ANTXR2: variants seen among roughly 807,000 people sequenced by gnomAD.
ANTXR2 encodes anthrax toxin receptor 2.
Under a neutral mutation model 73.7 loss-of-function variants are expected in ANTXR2, and 44 were observed. That is an observed-to-expected ratio of 0.60 (90% CI 0.47 to 0.77). The LOEUF is 0.77. ANTXR2 is among the 30% of genes least tolerant of loss of function. The pLI is 0.00. For synonymous variants in ANTXR2, 217 were observed against 205.9 expected, an observed-to-expected ratio of 1.05 and a Z score of -0.46; for missense variants, 604 against 592.5, an observed-to-expected ratio of 1.02 and a Z score of -0.20.
At chr4:80,007,453 G>T (rs1481433857) in intron 12 of ANTXR2, among the ~76,000 whole-genome samples, 6 of 152,176 alleles carry the variant, frequency 3.9e-5, no homozygotes, top group African/African-American at 1.2e-4. Flanking sequence ...TGTGTAGAAT[G>T]ATACCCCCCA....
chr4:80,048,504 C>G (rs555280049), intron 7 of ANTXR2, among the ~76,000 whole-genome samples: 1 of 151,724 alleles, frequency 6.6e-6, no homozygotes, highest in East Asian at 1.9e-4. Flanking sequence ...ATTTTTGTTT[C>G]TCCTATGAAT....
chr4:80,059,436 G>A (rs1031348433), intron 3 of ANTXR2, among the ~76,000 whole-genome samples: 1 of 151,906 alleles, frequency 6.6e-6, no homozygotes, highest in Non-Finnish European at 1.5e-5. Context: ...ATAGCTCACT[G>A]CAACTTCAAA....
chr4:79,936,387 T>C (rs984342960), intron 16 of ANTXR2, among the ~76,000 whole-genome samples: 5 of 152,214 alleles, frequency 3.3e-5, no homozygotes, highest in Non-Finnish European at 7.4e-5. Flanking sequence ...CTTCACAACC[T>C]AGCACTAAAA....
chr4:79,986,585 C>G (rs970237913), intron 12 of ANTXR2, among the ~76,000 whole-genome samples: 2 of 152,184 alleles, frequency 1.3e-5, no homozygotes, highest in African/African-American at 4.8e-5. Context: ...TCCACCACTG[C>G]ATACACACCA....
intron 10 of ANTXR2, among the ~76,000 whole-genome samples, chr4:80,027,787 A>G (rs2110078211): frequency 6.6e-6 from 1 of 152,270 alleles, no homozygotes; most frequent in Admixed American, 6.5e-5. Context: ...GATCTCAACT[A>G]TTGCAGAACA....
intron 16 of ANTXR2, among the ~76,000 whole-genome samples, chr4:79,914,100 T>C (rs578054987): frequency 1.3e-5 from 2 of 152,278 alleles, no homozygotes; most frequent in East Asian, 3.9e-4. Context: ...TTTGGTCATA[T>C]GAGGAGAATT....
intron 16 of ANTXR2, among the ~76,000 whole-genome samples, chr4:79,922,037 C>T (rs542342163): frequency 3.9e-4 from 59 of 151,968 alleles, no homozygotes; most frequent in African/African-American, 1.2e-3. Flanking sequence ...ATAACATATA[C>T]GGATTAAAAC....
Position 80,073,213 on chromosome 4 carries a change from G to C in ANTXR2, c.-653C>G, listed in dbSNP as rs1734908740. The C allele has an allele frequency of 6.6e-6, 1 of 152,528 alleles. No individual in the cohort carries two copies. Among genetic ancestry groups the C allele is most frequent in the Non-Finnish European group, 1.5e-5 (1 of 68,302 alleles). The allele number at this position is 152,528 out of a possible 1,614,324, so 9.4% of individuals were successfully genotyped here. A position where few individuals can be genotyped will look rare whatever the true frequency, so the allele number is the denominator to read the frequency against. On this transcript the variant is annotated 5_prime_UTR_variant, in exon 1 of 17. Coordinates refer to ENST00000403729, the MANE Select transcript of ANTXR2 (RefSeq NM_058172.6). Reference sequence around the variant, plus strand: ...CCGAGGGCAGGAGCCCGCTCGGGCCGGGTCTGGGCTGCGTGTGTCAGTGTG... The same window carrying C: ...CCGAGGGCAGGAGCCCGCTCGGGCCCGGTCTGGGCTGCGTGTGTCAGTGTG...
intron 16 of ANTXR2, among the ~76,000 whole-genome samples, chr4:79,956,387 G>C (rs1728885302): frequency 6.6e-6 from 1 of 152,084 alleles, no homozygotes; most frequent in African/African-American, 2.4e-5. Context: ...TGAATAGGTA[G>C]AGGAATCAAG....
chr4:79,992,841 G>T (rs1041174193), intron 12 of ANTXR2, among the ~76,000 whole-genome samples: 1 of 151,840 alleles, frequency 6.6e-6, no homozygotes, highest in Non-Finnish European at 1.5e-5. Context: ...ACTTTTTTCA[G>T]TTGCAACCTA....
intron 12 of ANTXR2, among the ~76,000 whole-genome samples, chr4:79,993,760 GCACA>G (rs1553931141): frequency 7.1e-5 from 10 of 140,656 alleles, no homozygotes; most frequent in African/African-American, 1.0e-4. Flanking sequence ...ACACACACAC[GCACA>G]CACACACACA....
intron 9 of ANTXR2, 93 bp downstream of exon 9, chr4:80,033,379 G>T: frequency 1.2e-6 from 1 of 830,596 alleles, no homozygotes; most frequent in Non-Finnish European, 1.9e-6. Flanking sequence ...TAAAAAATAT[G>T]TCAGTTAGTT....
At chr4:80,028,256 T>G (rs779083298) in intron 10 of ANTXR2, among the ~76,000 whole-genome samples, 1 of 152,116 alleles carries the variant, frequency 6.6e-6, no homozygotes, top group South Asian at 2.1e-4. Flanking sequence ...CAAAATGATA[T>G]ACCTGGACAG....
At chr4:79,915,954 C>A (rs2109935967) in intron 16 of ANTXR2, among the ~76,000 whole-genome samples, 1 of 151,568 alleles carries the variant, frequency 6.6e-6, no homozygotes, top group East Asian at 1.9e-4. Flanking sequence ...TCCACATACT[C>A]TTTTCTAATG....
At chr4:80,070,767 G>C (rs953251532) in intron 2 of ANTXR2, among the ~76,000 whole-genome samples, 1 of 152,012 alleles carries the variant, frequency 6.6e-6, no homozygotes, top group African/African-American at 2.4e-5. Flanking sequence ...GAAAACATTT[G>C]GGCTAACAAG....
intron 3 of ANTXR2, among the ~76,000 whole-genome samples, chr4:80,067,155 A>G (rs1734538713): frequency 6.6e-6 from 1 of 151,790 alleles, no homozygotes; most frequent in Non-Finnish European, 1.5e-5. Context: ...GCAGTGAGCC[A>G]AGATCATGCC....
intron 9 of ANTXR2, among the ~76,000 whole-genome samples, chr4:80,031,963 T>C (rs1732718519): frequency 6.6e-6 from 1 of 151,732 alleles, no homozygotes; most frequent in East Asian, 1.9e-4. Context: ...AAAATATATT[T>C]TCTCTTAAAT....
intron 14 of ANTXR2, among the ~76,000 whole-genome samples, chr4:79,979,398 TA>T (rs970352814): frequency 4.0e-5 from 6 of 151,084 alleles, no homozygotes; most frequent in African/African-American, 1.5e-4. Flanking sequence ...AAGTGATTTC[TA>T]AAAAGAAAAA....
At chr4:80,028,719 G>A (rs1732552090) in intron 10 of ANTXR2, among the ~76,000 whole-genome samples, 3 of 152,122 alleles carry the variant, frequency 2.0e-5, no homozygotes, top group Admixed American at 1.3e-4. Flanking sequence ...TGAATCCTTA[G>A]CCAAAAGCTA....
Sources: allele counts gnomAD v4.1 joint callset (sites outside exome capture counted in the v4.1 genomes callset), GRCh38; gene constraint gnomAD v4.1.1; transcripts MANE v1.5; gene names NCBI Gene and HGNC (gene_info 2026-07-23, HGNC 2026-07-21).